ADCY2: variants seen among roughly 807,000 people sequenced by gnomAD.
ADCY2 encodes adenylate cyclase 2.
ADCY2 carries 31 observed loss-of-function variants against 125.2 expected under a neutral mutation model. The ratio of observed to expected loss-of-function variants is 0.25; its 90% CI spans 0.19 to 0.33. The LOEUF is 0.33. Among genes scored for constraint, ADCY2 ranks in the 10% least tolerant of loss-of-function variants. The pLI is 1.00. For missense variants in ADCY2, 904 were observed against 1,418.2 expected (o/e 0.64, Z 5.82); for synonymous variants, 512 against 548.4 (o/e 0.93, Z 0.93).
At chr5:7,461,580 G>C (rs752103871) in intron 2 of ADCY2, among the ~76,000 whole-genome samples, 2 of 152,132 alleles carry the variant, frequency 1.3e-5, no homozygotes, top group East Asian at 3.9e-4. Flanking sequence ...AGAATCTGAC[G>C]TAGTTTCCCA....
intron 4 of ADCY2, chr5:7,654,071 G>T: frequency 2.2e-6 from 1 of 456,204 alleles, no homozygotes; most frequent in Non-Finnish European, 4.4e-6. Context: ...CAGATCAGTA[G>T]CATTTACCAC....
intron 16 of ADCY2, among the ~76,000 whole-genome samples, chr5:7,765,931 G>A (rs1255809549): frequency 3.9e-5 from 6 of 152,106 alleles, no homozygotes; most frequent in Non-Finnish European, 5.9e-5. Context: ...GACAGACAGC[G>A]AGCGAGCGAG....
chr5:7,480,491 T>G (rs1489936468), intron 2 of ADCY2, among the ~76,000 whole-genome samples: 1 of 152,148 alleles, frequency 6.6e-6, no homozygotes, highest in Non-Finnish European at 1.5e-5. Flanking sequence ...CTTAGAAGAC[T>G]AATACATGAA....
chr5:7,674,419 G>A (rs866223275), intron 4 of ADCY2, among the ~76,000 whole-genome samples: 1 of 152,158 alleles, frequency 6.6e-6, no homozygotes, highest in African/African-American at 2.4e-5. Flanking sequence ...CCTGTGTTTG[G>A]TTACGCGCCA....
intron 4 of ADCY2, among the ~76,000 whole-genome samples, chr5:7,666,284 C>G (rs1390217270): frequency 6.6e-6 from 1 of 151,710 alleles, no homozygotes; most frequent in Non-Finnish European, 1.5e-5. Context: ...ATTTGTGCTC[C>G]TGTTACACCA....
intron 12 of ADCY2, 142 bp from the exon 13 acceptor site, chr5:7,724,403 C>T: frequency 1.5e-6 from 1 of 650,014 alleles, no homozygotes; most frequent in Non-Finnish European, 2.6e-6. Context: ...TAGTTGGCAT[C>T]ACGTGTTTTT....
At chr5:7,493,074 G>A (rs1294781512) in intron 2 of ADCY2, among the ~76,000 whole-genome samples, 1 of 152,170 alleles carries the variant, frequency 6.6e-6, no homozygotes, top group Non-Finnish European at 1.5e-5. Flanking sequence ...TCTCAGGGCA[G>A]TGGCTAATGG....
chr5:7,602,030 C>G (rs1192885438), intron 3 of ADCY2, among the ~76,000 whole-genome samples: 3 of 152,188 alleles, frequency 2.0e-5, no homozygotes, highest in Admixed American at 6.5e-5. Flanking sequence ...GTGGCTGCAT[C>G]ACTGCAACCT....
At chr5:7,775,372 C>T (rs942821073) in intron 18 of ADCY2, among the ~76,000 whole-genome samples, 2 of 151,856 alleles carry the variant, frequency 1.3e-5, no homozygotes, top group Admixed American at 6.6e-5. Flanking sequence ...TGAGCCACAG[C>T]GCCTGGCCTC....
chr5:7,532,350 ATTGT>A (rs1157207443), intron 3 of ADCY2, among the ~76,000 whole-genome samples: 2 of 152,314 alleles, frequency 1.3e-5, no homozygotes, highest in African/African-American at 4.8e-5. Flanking sequence ...GAGTTCTCTC[ATTGT>A]TTGTAGAAGT....
chr5:7,707,916 A>G, intron 9 of ADCY2, 78 bp downstream of exon 9: 2 of 1,474,268 alleles, frequency 1.4e-6, no homozygotes, highest in Non-Finnish European at 1.8e-6. Flanking sequence ...TTTTTAGTCA[A>G]TATCCAATAT....
intron 2 of ADCY2, among the ~76,000 whole-genome samples, chr5:7,469,833 A>C (rs1161274395): frequency 6.6e-6 from 1 of 151,772 alleles, no homozygotes; most frequent in Non-Finnish European, 1.5e-5. Flanking sequence ...CCTATATAAG[A>C]ACACAGTGAA....
At chr5:7,493,513 A>G (rs1338442983) in intron 2 of ADCY2, among the ~76,000 whole-genome samples, 2 of 152,174 alleles carry the variant, frequency 1.3e-5, no homozygotes, top group African/African-American at 4.8e-5. Context: ...ACAAGGAATA[A>G]ATAATTGCTG....
chr5:7,489,323 C>T (rs1432817862), intron 2 of ADCY2, among the ~76,000 whole-genome samples: 1 of 152,180 alleles, frequency 6.6e-6, no homozygotes, highest in African/African-American at 2.4e-5. Flanking sequence ...TGTCTTCTTT[C>T]TTTTTGACAC....
chr5:7,489,045 C>T (rs1369499665), intron 2 of ADCY2, among the ~76,000 whole-genome samples: 1 of 152,154 alleles, frequency 6.6e-6, no homozygotes, highest in East Asian at 1.9e-4. Context: ...ACCATTTCTG[C>T]AAGAAAAATA....
At chr5:7,416,248 G>T (rs1479036286) in intron 2 of ADCY2, among the ~76,000 whole-genome samples, 1 of 152,154 alleles carries the variant, frequency 6.6e-6, no homozygotes, top group Non-Finnish European at 1.5e-5. Context: ...GAGGAGGCTG[G>T]ACTAAGTGAA....
At chr5:7,541,609 G>A (rs141146239) in intron 3 of ADCY2, among the ~76,000 whole-genome samples, 325 of 152,316 alleles carry the variant, frequency 2.1e-3, no homozygotes, top group African/African-American at 7.3e-3. Flanking sequence ...TCCATGTGAA[G>A]GGGAATTTTC....
intron 3 of ADCY2, among the ~76,000 whole-genome samples, chr5:7,598,578 G>C (rs1195216224): frequency 1.3e-5 from 2 of 152,150 alleles, no homozygotes; most frequent in Non-Finnish European, 2.9e-5. Flanking sequence ...TATACATAGG[G>C]TAGTTGGAGG....
At chr5:7,784,549 G>A (rs145231788) in intron 19 of ADCY2, 100 bp downstream of exon 19, 11 of 828,182 alleles carry the variant, frequency 1.3e-5, no homozygotes, top group East Asian at 5.2e-5. Flanking sequence ...GGAAACAAAC[G>A]TCTAAGAATT....
Sources: allele counts gnomAD v4.1 joint callset (sites outside exome capture counted in the v4.1 genomes callset), GRCh38; gene constraint gnomAD v4.1.1; transcripts MANE v1.5; gene names NCBI Gene and HGNC (gene_info 2026-07-23, HGNC 2026-07-21).